Variants in LDB1 observed in about 807,000 individuals in gnomAD.
LDB1 encodes LIM domain-binding protein 1.
A neutral mutation model predicts 49.7 loss-of-function variants in LDB1; 6 were observed. The observed-to-expected ratio is 0.12, with a 90% CI of 0.07 to 0.24. The LOEUF is 0.24. Ranked by LOEUF, LDB1 falls within the 10% of genes least tolerant of loss-of-function variation. LDB1 has a pLI of 1.00. For missense variants in LDB1, 341 were observed against 561.7 expected, an observed-to-expected ratio of 0.61 and a Z score of 3.97; for synonymous variants, 233 against 202.0, an observed-to-expected ratio of 1.15 and a Z score of -1.30.
At chr10:102,114,961 TC>T (rs2068316089) in intron 1 of LDB1, 1 of 466,792 alleles carries the variant, frequency 2.1e-6, no homozygotes, top group African/African-American at 2.1e-5. Flanking sequence ...TCTCCCTGCC[TC>T]CCTCCCTCCC....
upstream of LDB1, among the ~76,000 whole-genome samples, chr10:102,120,843 T>C (rs563738860): frequency 6.6e-6 from 1 of 151,692 alleles, no homozygotes; most frequent in East Asian, 2.0e-4. Flanking sequence ...CAGTGTGGTG[T>C]ATCTCTCTCC....
chr10:102,118,969 C>A (rs917224545), intron 1 of LDB1, among the ~76,000 whole-genome samples: 11 of 152,234 alleles, frequency 7.2e-5, no homozygotes, highest in Non-Finnish European at 1.6e-4. Flanking sequence ...CCTTAGACAT[C>A]AGCCTCAGCA....
At chr10:102,116,021 AC>A (rs908744971) in intron 1 of LDB1, among the ~76,000 whole-genome samples, 1 of 151,714 alleles carries the variant, frequency 6.6e-6, no homozygotes, top group African/African-American at 2.4e-5. Flanking sequence ...CCTGTCTCCT[AC>A]CCCCAACTAT....
At chr10:102,108,935 T>C (rs1045316615) in intron 10 of LDB1, 94 bp downstream of exon 10, 1 of 1,536,458 alleles carries the variant, frequency 6.5e-7, no homozygotes, top group African/African-American at 1.4e-5. Flanking sequence ...AAACTGTCTT[T>C]GCTTCTACGC....
chr10:102,114,190 G>A (rs1344412684), intron 1 of LDB1, among the ~76,000 whole-genome samples: 3 of 152,212 alleles, frequency 2.0e-5, no homozygotes, highest in African/African-American at 7.2e-5. Context: ...TGCATCCCGG[G>A]GCTGAGGGGG....
intron 1 of LDB1, among the ~76,000 whole-genome samples, chr10:102,113,451 G>A (rs556517547): frequency 6.6e-6 from 1 of 152,254 alleles, no homozygotes; most frequent in Non-Finnish European, 1.5e-5. Flanking sequence ...GCCTTCACAT[G>A]CCAGTCTGGA....
At chr10:102,116,404 C>T (rs1486159262) in intron 1 of LDB1, among the ~76,000 whole-genome samples, 2 of 152,160 alleles carry the variant, frequency 1.3e-5, no homozygotes, top group Non-Finnish European at 2.9e-5. Flanking sequence ...TGGTCTCGAA[C>T]GCCTGACCTC....
chr10:102,114,638 G>A (rs1463809853), intron 1 of LDB1: 2 of 975,348 alleles, frequency 2.1e-6, no homozygotes, highest in Non-Finnish European at 1.2e-6. Context: ...TGGCCACTGG[G>A]CCGGGGGCCG....
intron 10 of LDB1, 126 bp from the exon 11 acceptor site, chr10:102,108,449 C>T (rs751745491): frequency 3.0e-6 from 2 of 673,804 alleles, no homozygotes; most frequent in South Asian, 1.9e-5. Flanking sequence ...TCCTCATACC[C>T]GAATTTAAAA....
chr10:102,110,592 A>G lies in LDB1; in HGVS notation c.462T>C (p.Phe154=), dbSNP rs778381539. ...KHPKEAFHSN[F]VSLDCDQGSM... ...TGCCCTGGTCACAGTCGAGGGACAC[A>G]AAGTTGCTGTGGAATGCCTCCTTGG... Residue 154 remains phenylalanine, a synonymous_variant, in exon 6 of 11, where the codon TTT becomes TTC. Coordinates refer to ENST00000673968, the MANE Select transcript of LDB1 (RefSeq NM_001113407.3). 9 of 1,613,928 alleles carry G rather than the reference A, an allele frequency of 5.6e-6. No individual in the cohort carries two copies. In the Admixed American group the frequency reaches 1.3e-4, roughly 24 times the overall value.
chr10:102,120,025 G>A, intron 1 of LDB1, 61 bp downstream of exon 1: 5 of 1,313,964 alleles, frequency 3.8e-6, no homozygotes, highest in South Asian at 1.5e-5. Context: ...CAAACACGGG[G>A]TGAGGGGTCC....
At chr10:102,120,552 G>C, upstream of LDB1, 1 of 228,512 alleles carries the variant, frequency 4.4e-6, no homozygotes, top group Non-Finnish European at 7.3e-6. Context: ...GGAGGGGAGA[G>C]CCGTGTCAAA....
intron 10 of LDB1, 121 bp downstream of exon 10, chr10:102,108,908 G>T (rs2068209004): frequency 1.5e-6 from 2 of 1,316,804 alleles, no homozygotes; most frequent in African/African-American, 2.9e-5. Context: ...AGCCCATGCT[G>T]GCAGAGTACA....
intron 1 of LDB1, chr10:102,114,812 G>GGGCGGCCCCCC: frequency 1.1e-6 from 1 of 929,816 alleles, no homozygotes; most frequent in Non-Finnish European, 1.3e-6. Context: ...CCTCCGAGCA[G>GGGCGGCCCCCC]CCCGCCCGCC....
upstream of LDB1, among the ~76,000 whole-genome samples, chr10:102,121,191 T>C (rs1159243393): frequency 6.6e-6 from 1 of 151,984 alleles, no homozygotes; most frequent in African/African-American, 2.4e-5. Flanking sequence ...GGAGGGGCGA[T>C]AGGAGGCCAT....
chr10:102,116,075 C>T (rs190374025), intron 1 of LDB1, among the ~76,000 whole-genome samples: 315 of 152,324 alleles, frequency 2.1e-3, no homozygotes, highest in African/African-American at 5.5e-3. Context: ...ATGACATACT[C>T]ACTAGTTAAC....
intron 1 of LDB1, 65 bp downstream of exon 1, chr10:102,120,021 C>A: frequency 1.6e-6 from 2 of 1,285,946 alleles, no homozygotes; most frequent in Admixed American, 5.8e-5. Context: ...TCGCCAAACA[C>A]GGGGTGAGGG....
chr10:102,114,203 A>C (rs1451980102), intron 1 of LDB1, among the ~76,000 whole-genome samples: 3 of 152,094 alleles, frequency 2.0e-5, no homozygotes, highest in African/African-American at 7.2e-5. Context: ...TGAGGGGGGC[A>C]CCTCCAGCTG....
chr10:102,107,986 AGGCT>A lies in LDB1; in HGVS notation c.*103_*106del. On this transcript the variant is annotated 3_prime_UTR_variant, in exon 11 of 11. Transcript: ENST00000673968. ...GTTCCTCCCTGAAGCGGGTGGATGG[AGGCT>A]GCCCATTTTAGATGCTCAGTCTCTT... 1.1e-6 allele frequency: 1 copy of A among 904,548 alleles called. No individual in the cohort carries two copies. Among genetic ancestry groups the A allele is most frequent in the Non-Finnish European group, 1.8e-6 (1 of 567,280 alleles). The allele number at this position is 904,548 out of a possible 1,614,324, so 56.0% of individuals were successfully genotyped here.
Sources: gnomAD v4.1 joint callset for allele counts (sites outside exome capture counted in the v4.1 genomes callset) on GRCh38, gnomAD v4.1.1 for gene constraint, MANE v1.5 for transcripts, NCBI Gene and HGNC (gene_info 2026-07-23, HGNC 2026-07-21) for gene names.